Variants in TMEM117 observed in about 807,000 individuals in gnomAD.
TMEM117 encodes transmembrane protein 117.
TMEM117 carries 27 observed loss-of-function variants against 52.4 expected under a neutral mutation model. The ratio of observed to expected loss-of-function variants is 0.51; its 90% CI spans 0.38 to 0.71. The LOEUF is 0.71. TMEM117 is among the 30% of genes least tolerant of loss of function. TMEM117 has a pLI of 0.00. For synonymous variants in TMEM117, 215 were observed against 206.3 expected (o/e 1.04, Z -0.36); for missense variants, 556 against 630.5 (o/e 0.88, Z 1.26).
Position 44,197,522 on chromosome 12 carries a change from AT to A in TMEM117, c.511-13759del, listed in dbSNP as rs199644915. 9.9e-5 allele frequency among the ~76,000 whole-genome samples: 15 copies of A among 151,592 alleles called. No homozygotes were observed. The South Asian group carries it at 2.9e-3, about 30-fold the overall frequency. ...TGGCATGCTAGAAGATGGTGTAAAT[AT>A]TTTTTTTTCTGCTGGCTTCTTGCTC... is the stretch of plus-strand genomic sequence containing the variant. On this transcript the variant is annotated intron_variant, in intron 4 of 7. Coordinates refer to ENST00000266534, the MANE Select transcript of TMEM117 (RefSeq NM_032256.3).
At chr12:44,197,839 A>G (rs1949441658) in intron 4 of TMEM117, among the ~76,000 whole-genome samples, 1 of 152,186 alleles carries the variant, frequency 6.6e-6, no homozygotes, top group Non-Finnish European at 1.5e-5. Context: ...ATCCAGCAAT[A>G]AGGTGCAATA....
chr12:44,246,840 A>AT (rs1565632820), intron 5 of TMEM117, among the ~76,000 whole-genome samples: 1 of 152,144 alleles, frequency 6.6e-6, no homozygotes, highest in Non-Finnish European at 1.5e-5. Context: ...TGGGGTTTAT[A>AT]TTTGTGGTTT....
At chr12:44,003,474 C>G (rs566251045) in intron 3 of TMEM117, among the ~76,000 whole-genome samples, 1 of 152,330 alleles carries the variant, frequency 6.6e-6, no homozygotes, top group Non-Finnish European at 1.5e-5. Context: ...TCTGCTCTCA[C>G]AGACCCTTTC....
chr12:44,114,710 C>T (rs1440930515), intron 3 of TMEM117, among the ~76,000 whole-genome samples: 1 of 152,190 alleles, frequency 6.6e-6, no homozygotes, highest in Admixed American at 6.5e-5. Context: ...TCTCTCTGAG[C>T]ATCAGGGATG....
At chr12:43,921,874 G>A (rs1408815217) in intron 2 of TMEM117, among the ~76,000 whole-genome samples, 1 of 152,002 alleles carries the variant, frequency 6.6e-6, no homozygotes, top group Admixed American at 6.6e-5. Context: ...CCATTCCACT[G>A]ACTCCATGTT....
chr12:44,309,627 G>A (rs1950947597), intron 6 of TMEM117, among the ~76,000 whole-genome samples: 1 of 152,008 alleles, frequency 6.6e-6, no homozygotes, highest in South Asian at 2.1e-4. Context: ...CACTGTCCTG[G>A]ATGCTTAGAT....
chr12:44,218,230 C>CA (rs1949743937), intron 5 of TMEM117, among the ~76,000 whole-genome samples: 1 of 148,766 alleles, frequency 6.7e-6, no homozygotes, highest in African/African-American at 2.5e-5. Flanking sequence ...TCAAAAAAAA[C>CA]AAAAAACAAA....
the TMEM117 span, among the ~76,000 whole-genome samples, chr12:44,395,265 T>C: frequency 3.3e-5 from 5 of 152,214 alleles, no homozygotes; most frequent in Middle Eastern, 3.2e-3. Context: ...CTCTGTCATT[T>C]ACATATCCAA....
chr12:44,115,647 G>A (rs1019594625), intron 3 of TMEM117, among the ~76,000 whole-genome samples: 1 of 151,960 alleles, frequency 6.6e-6, no homozygotes, highest in Non-Finnish European at 1.5e-5. Context: ...ACATCAGGCT[G>A]TTTCTACAAT....
At chr12:44,214,910 G>A (rs1011093677) in intron 5 of TMEM117, among the ~76,000 whole-genome samples, 1 of 152,116 alleles carries the variant, frequency 6.6e-6, no homozygotes, top group Non-Finnish European at 1.5e-5. Flanking sequence ...GCATAAAAGG[G>A]ATTTAGCAAG....
At position 43,909,845 on chromosome 12, in the gene TMEM117, A is replaced by G. The variant is rs1383294347; in HGVS notation, c.278-34365A>G. Reference sequence around the variant, plus strand: ...AATAACAGGAGCTGAAATTGTGTCAATAATCAATAGCTTACCAACGAAAAA... The same window carrying G: ...AATAACAGGAGCTGAAATTGTGTCAGTAATCAATAGCTTACCAACGAAAAA... On this transcript the variant is annotated intron_variant, in intron 2 of 7. Coordinates refer to ENST00000266534, the MANE Select transcript of TMEM117 (RefSeq NM_032256.3). 3.1e-5 allele frequency among the ~76,000 whole-genome samples: 4 copies of G among 129,306 alleles called. No individual in the cohort carries two copies. The Admixed American group carries it at 3.3e-4, about 11-fold the overall frequency. The allele number at this position is 129,306 out of a possible 152,430, so 84.8% of individuals were successfully genotyped here.
At chr12:43,962,542 A>T (rs1192061343) in intron 3 of TMEM117, among the ~76,000 whole-genome samples, 1 of 152,206 alleles carries the variant, frequency 6.6e-6, no homozygotes, top group Admixed American at 6.5e-5. Flanking sequence ...TAAAAACAAA[A>T]TATGAAGAAA....
chr12:44,367,668 A>G (rs915886889), intron 6 of TMEM117, among the ~76,000 whole-genome samples: 8 of 151,988 alleles, frequency 5.3e-5, no homozygotes, highest in Non-Finnish European at 1.0e-4. Context: ...GCTCTCCCCA[A>G]AGATTCCCAA....
chr12:43,873,413 A>G (rs536388470), intron 2 of TMEM117, among the ~76,000 whole-genome samples: 21 of 152,294 alleles, frequency 1.4e-4, no homozygotes. Flanking sequence ...TCTCTTTACT[A>G]TATGATGGAA....
intron 6 of TMEM117, among the ~76,000 whole-genome samples, chr12:44,336,904 TA>T (rs946982021): frequency 6.6e-6 from 1 of 152,006 alleles, no homozygotes; most frequent in Non-Finnish European, 1.5e-5. Context: ...GAGCAATTCC[TA>T]AAAAGTAATA....
chr12:43,885,717 G>A (rs988524127), intron 2 of TMEM117, among the ~76,000 whole-genome samples: 1 of 151,994 alleles, frequency 6.6e-6, no homozygotes, highest in Non-Finnish European at 1.5e-5. Flanking sequence ...AGACAAATAT[G>A]TATACAATAA....
chr12:44,314,817 A>G (rs557406647), intron 6 of TMEM117, among the ~76,000 whole-genome samples: 20 of 152,278 alleles, frequency 1.3e-4, no homozygotes, highest in African/African-American at 4.6e-4. Flanking sequence ...TTTTTGAAAT[A>G]GTTTCAATAG....
At chr12:44,030,577 A>G (rs1302050572) in intron 3 of TMEM117, among the ~76,000 whole-genome samples, 2 of 152,228 alleles carry the variant, frequency 1.3e-5, no homozygotes, top group East Asian at 3.8e-4. Flanking sequence ...TGTTTTTGGA[A>G]ATGACTATGG....
At chr12:44,191,266 C>T (rs1188540756) in intron 4 of TMEM117, among the ~76,000 whole-genome samples, 1 of 152,090 alleles carries the variant, frequency 6.6e-6, no homozygotes, top group Non-Finnish European at 1.5e-5. Context: ...TTATCTCTAA[C>T]TGGTCCCTCC....
Sources: gnomAD v4.1 joint callset for allele counts (sites outside exome capture counted in the v4.1 genomes callset) on GRCh38, gnomAD v4.1.1 for gene constraint, MANE v1.5 for transcripts, NCBI Gene and HGNC (gene_info 2026-07-23, HGNC 2026-07-21) for gene names.